Variants in IER3IP1 observed in about 807,000 individuals in gnomAD.
IER3IP1 encodes the protein immediate early response 3-interacting protein 1.
Under a neutral mutation model 12.2 loss-of-function variants are expected in IER3IP1, and 16 were observed. The observed-to-expected ratio is 1.31, with a 90% CI of 0.89 to 1.99. The LOEUF is 1.99. IER3IP1 is among the 30% of genes most tolerant of loss of function. IER3IP1 has a pLI of 0.00. For missense variants in IER3IP1, 95 were observed against 95.8 expected (o/e 0.99, Z 0.03); for synonymous variants, 42 against 40.0 (o/e 1.05, Z -0.19).
chr18:47,169,111 T>G (rs2144435759), intron 1 of IER3IP1, among the ~76,000 whole-genome samples: 2 of 152,304 alleles, frequency 1.3e-5, no homozygotes, highest in Middle Eastern at 3.4e-3. Context: ...CAACCACTAA[T>G]CTACTTTCTG....
intron 1 of IER3IP1, among the ~76,000 whole-genome samples, chr18:47,168,532 C>T (rs1433496273): frequency 1.3e-5 from 2 of 152,138 alleles, no homozygotes; most frequent in Non-Finnish European, 2.9e-5. Flanking sequence ...AATATATATT[C>T]TTTTGTGCCT....
rs1018471818 is a variant in IER3IP1, at chr18:47,154,057, A to C, written c.*2120T>G. Reference sequence around the variant, plus strand: ...AGACTAGAGCCAAGAACCTTCGCACAGTTCAGAGACATGCAAACACAGGGC... The same window carrying C: ...AGACTAGAGCCAAGAACCTTCGCACCGTTCAGAGACATGCAAACACAGGGC... On this transcript the variant is annotated 3_prime_UTR_variant, in exon 3 of 3. Coordinates refer to ENST00000256433, the MANE Select transcript of IER3IP1 (RefSeq NM_016097.5). The C allele has an allele frequency of 6.6e-6, 1 of 152,236 alleles. No individual in the cohort carries two copies. The highest frequency in any genetic ancestry group is 1.5e-5 in the Non-Finnish European group (1 of 68,040). The allele number at this position is 152,236 out of a possible 1,614,324, so 9.4% of individuals were successfully genotyped here.
At chr18:47,166,033 G>A (rs958674380) in intron 1 of IER3IP1, among the ~76,000 whole-genome samples, 2 of 152,124 alleles carry the variant, frequency 1.3e-5, no homozygotes, top group African/African-American at 4.8e-5. Flanking sequence ...AACTGGTACT[G>A]GATAAAGCAA....
chr18:47,161,148 T>C (rs936040919), intron 1 of IER3IP1, among the ~76,000 whole-genome samples: 1 of 152,222 alleles, frequency 6.6e-6, no homozygotes, highest in Non-Finnish European at 1.5e-5. Context: ...TAAATAGATA[T>C]ACCTGAAAGA....
intron 1 of IER3IP1, among the ~76,000 whole-genome samples, chr18:47,174,847 C>T (rs1331027395): frequency 1.3e-5 from 2 of 152,198 alleles, no homozygotes; most frequent in South Asian, 4.1e-4. Flanking sequence ...GCTCTCCTCA[C>T]CCTTCCAGCT....
chr18:47,173,592 C>T (rs993014148), intron 1 of IER3IP1, among the ~76,000 whole-genome samples: 1 of 152,168 alleles, frequency 6.6e-6, no homozygotes. Flanking sequence ...GATCTGCCCA[C>T]CTTGGCCTCC....
At position 47,153,099 on chromosome 18, in the gene IER3IP1, T is replaced by G. The variant is rs2063946046; in HGVS notation, c.*3078A>C. On this transcript the variant is annotated 3_prime_UTR_variant, in exon 3 of 3. Transcript: ENST00000256433. ...CTAGTCTTTTTACTAGTCAAATATC[T>G]TGCTTTCTCTTGTCATTTCACCAGT... is the stretch of plus-strand genomic sequence containing the variant. 1 of 152,236 alleles carries G rather than the reference T, an allele frequency of 6.6e-6. No homozygotes were observed. 9.4% of individuals were successfully genotyped at this position (152,236 alleles called of 1,614,324 possible).
intron 1 of IER3IP1, among the ~76,000 whole-genome samples, chr18:47,173,598 C>T (rs1212319768): frequency 6.6e-6 from 1 of 152,158 alleles, no homozygotes; most frequent in East Asian, 1.9e-4. Flanking sequence ...CCCACCTTGG[C>T]CTCCTAAAGT....
chr18:47,163,173 A>G (rs1314373394), intron 1 of IER3IP1, among the ~76,000 whole-genome samples: 1 of 152,176 alleles, frequency 6.6e-6, no homozygotes, highest in East Asian at 1.9e-4. Context: ...AATAACAGTA[A>G]CTCATAATAA....
chr18:47,167,724 CATAT>C (rs917277921), intron 1 of IER3IP1, among the ~76,000 whole-genome samples: 6 of 152,134 alleles, frequency 3.9e-5, no homozygotes, highest in Admixed American at 2.6e-4. Context: ...CCAATTAGCT[CATAT>C]AGTTTATTTA....
intron 1 of IER3IP1, among the ~76,000 whole-genome samples, chr18:47,159,062 A>G (rs2144424960): frequency 6.6e-6 from 1 of 152,350 alleles, no homozygotes; most frequent in Non-Finnish European, 1.5e-5. Context: ...AGGCAATGAC[A>G]GCATATATAT....
At position 47,152,930 on chromosome 18, in the gene IER3IP1, A is replaced by T. The variant is rs1017413385; in HGVS notation, c.*3247T>A. 1 of 152,238 alleles carries T rather than the reference A, an allele frequency of 6.6e-6. No homozygotes were observed. The highest frequency in any genetic ancestry group is 2.1e-4 in the South Asian group (1 of 4,834). The allele number at this position is 152,238 out of a possible 1,614,324, so 9.4% of individuals were successfully genotyped here. ...AGTGATCTGGAAAAGATATATATATATATCTGGACCAGACTTCTGTTCTGA... is the reference window on the plus strand; with the variant it reads ...AGTGATCTGGAAAAGATATATATATTTATCTGGACCAGACTTCTGTTCTGA... On this transcript the variant is annotated 3_prime_UTR_variant, in exon 3 of 3. Coordinates refer to ENST00000256433, the MANE Select transcript of IER3IP1 (RefSeq NM_016097.5).
rs533364419 is a variant in IER3IP1, at chr18:47,171,283, C to A, written c.91+4904G>T. On this transcript the variant is annotated intron_variant, in intron 1 of 2. Transcript: ENST00000256433. ...TGCTAGATTTAGTCTGCCAGTATTT[C>A]GTTGAGAATTTTTGCAGCTATATTC... Among the ~76,000 whole-genome samples the A allele has an allele frequency of 7.2e-4, 110 of 152,228 alleles. 2 individuals carry two copies. The highest frequency in any genetic ancestry group is 2.6e-3 in the African/African-American group (107 of 41,536).
intron 1 of IER3IP1, among the ~76,000 whole-genome samples, chr18:47,164,740 CT>C (rs1407335834): frequency 6.6e-6 from 1 of 151,140 alleles, no homozygotes; most frequent in Non-Finnish European, 1.5e-5. Flanking sequence ...TGTGATCATG[CT>C]ACTGCACTCC....
At chr18:47,160,452 G>A (rs75287977) in intron 1 of IER3IP1, among the ~76,000 whole-genome samples, 7,993 of 152,254 alleles carry the variant, frequency 0.052, 258 homozygotes, top group East Asian at 0.091. Flanking sequence ...AATGCCATCG[G>A]CTGGAAGGAA....
chr18:47,162,495 T>C (rs950774685), intron 1 of IER3IP1, among the ~76,000 whole-genome samples: 3 of 152,164 alleles, frequency 2.0e-5, no homozygotes, highest in African/African-American at 7.2e-5. Flanking sequence ...CCATTGTAGC[T>C]ATGAAACAAA....
intron 1 of IER3IP1, among the ~76,000 whole-genome samples, chr18:47,162,943 T>C (rs2063984375): frequency 6.6e-6 from 1 of 152,076 alleles, no homozygotes; most frequent in South Asian, 2.1e-4. Flanking sequence ...ATAATGTAAA[T>C]ATGGAATGCT....
chr18:47,176,038 TGA>T, intron 1 of IER3IP1, 147 bp downstream of exon 1: 2 of 722,256 alleles, frequency 2.8e-6, no homozygotes, highest in South Asian at 3.0e-5. Context: ...CCAAACCTGA[TGA>T]GAGGAAAGGC....
Position 47,155,234 on chromosome 18 carries a change from A to G in IER3IP1, c.*943T>C, listed in dbSNP as rs943563117. ...GTCTGAGACATAAAAACAAAAGACA[A>G]CCTATCCAGCATCAATGTCCTATTG... On this transcript the variant is annotated 3_prime_UTR_variant, in exon 3 of 3. Transcript: ENST00000256433. 1 of 152,222 alleles carries G rather than the reference A, an allele frequency of 6.6e-6. No homozygotes were observed. The highest frequency in any genetic ancestry group is 6.5e-5 in the Admixed American group (1 of 15,286). The allele number at this position is 152,222 out of a possible 1,614,324, so 9.4% of individuals were successfully genotyped here.
Sources: allele counts gnomAD v4.1 joint callset (sites outside exome capture counted in the v4.1 genomes callset), GRCh38; gene constraint gnomAD v4.1.1; transcripts MANE v1.5; gene names NCBI Gene and HGNC (gene_info 2026-07-23, HGNC 2026-07-21).